CPSF1: variants seen among roughly 807,000 people sequenced by gnomAD.
CPSF1 encodes cleavage and polyadenylation specificity factor subunit 1.
Under a neutral mutation model 175.8 loss-of-function variants are expected in CPSF1, and 106 were observed. That is an observed-to-expected ratio of 0.60 (90% CI 0.52 to 0.71). The LOEUF is 0.71. CPSF1 is among the 30% of genes least tolerant of loss of function. CPSF1 has a pLI of 0.00. For synonymous variants in CPSF1, 1,024 were observed against 858.3 expected, an observed-to-expected ratio of 1.19 and a Z score of -3.37; for missense variants, 1,734 against 2,022.9, an observed-to-expected ratio of 0.86 and a Z score of 2.74.
chr8:144,394,038 G>GC lies in CPSF1; in HGVS notation c.3860-1dup (p.Ala1287GlyfsTer35). On this transcript the variant is annotated frameshift_variant and splice_region_variant. Transcript: ENST00000616140. LOFTEE classifies it high-confidence loss of function. ...GCGCATGCCCCCGAAACTCTCCTTG[G>GC]CTAGACCAGAAAGGCCTAGGGGTCA... 6.2e-7 allele frequency: 1 copy of GC among 1,611,248 alleles called. No individual in the cohort carries two copies. The highest frequency in any genetic ancestry group is 8.5e-7 in the Non-Finnish European group (1 of 1,178,370).
intron 24 of CPSF1, 26 bp downstream of exon 24, chr8:144,396,814 C>G (rs782774987): frequency 6.2e-7 from 1 of 1,613,248 alleles, no homozygotes; most frequent in East Asian, 2.2e-5. Flanking sequence ...ACCCACCCCA[C>G]GCCCCAGCAG....
intron 23 of CPSF1, 23 bp from the exon 24 acceptor site, chr8:144,396,952 G>A (rs200054420): frequency 2.6e-6 from 4 of 1,565,196 alleles, no homozygotes; most frequent in African/African-American, 2.7e-5. Context: ...GGGGAGCCAT[G>A]GGGGAACGGG....
In CPSF1 at chr8:144,398,006, G is replaced by A. The variant is rs781986724; in HGVS notation, c.2021C>T (p.Ser674Phe). The A allele has an allele frequency of 6.2e-7, 1 of 1,611,962 alleles. No homozygotes were observed. Among genetic ancestry groups the A allele is most frequent in the Non-Finnish European group, 8.5e-7 (1 of 1,179,700 alleles). Reference sequence around the variant, plus strand: ...CAGGCGGTGGTGGCGGCCACCGTAGGAGTCACTCTTCAGCAGGAACATGGT... The same window carrying A: ...CAGGCGGTGGTGGCGGCCACCGTAGAAGTCACTCTTCAGCAGGAACATGGT... ...HVTMFLLKSD[S>F]YGGRHHRLAL... The change falls in exon 20 of 38, where the codon TCC (serine) becomes TTC (phenylalanine). Residue 674 changes from serine (S) to phenylalanine (F), a missense_variant. By Grantham distance (155) the Ser-to-Phe change is radical (BLOSUM62 -2). Coordinates refer to ENST00000616140, the MANE Select transcript of CPSF1 (RefSeq NM_013291.3).
At chr8:144,395,803 G>A (rs1820686985) in intron 26 of CPSF1, 2 of 576,536 alleles carry the variant, frequency 3.5e-6, no homozygotes, top group Non-Finnish European at 3.1e-6. Context: ...TAGGCCAGGA[G>A]GGCACTGGAG....
In CPSF1 at chr8:144,400,138, C is replaced by CCCG. The variant is rs1554866053; in HGVS notation, c.937+27_937+28insCGG. 24 of 1,185,568 alleles carry CCCG rather than the reference C, an allele frequency of 2.0e-5. 3 individuals carry two copies. The highest frequency in any genetic ancestry group is 2.6e-5 in the Non-Finnish European group (22 of 846,190). The allele number at this position is 1,185,568 out of a possible 1,614,324, so 73.4% of individuals were successfully genotyped here. On this transcript the variant is annotated intron_variant, in intron 9 of 37. Transcript: ENST00000616140. ...GGCAGGCCCAAGCCGTCCCCGGGCC[C>CCCG]CCCCCGCCCCAGCCACCCCACACTC...
Position 144,394,122 on chromosome 8 carries a change from G to A in CPSF1, c.3850C>T (p.Leu1284=). The change falls in exon 34 of 38, where the codon CTG becomes TTG. Residue 1284 remains leucine, a synonymous_variant. Transcript: ENST00000616140. ...RDRNLMVYMY[L]PEAKESFGGM... The stretch of plus-strand genomic sequence containing the variant: ...TGGAGGAAGCACTCACCTTCGGGCA[G>A]GTACATGTACACCATGAGGTTGCGG... The A allele has an allele frequency of 1.9e-6, 3 of 1,612,926 alleles. No homozygotes were observed. Among genetic ancestry groups the A allele is most frequent in the Non-Finnish European group, 8.5e-7 (1 of 1,179,896 alleles).
chr8:144,406,862 C>T (rs1485206957), intron 2 of CPSF1, among the ~76,000 whole-genome samples: 1 of 152,220 alleles, frequency 6.6e-6, no homozygotes, highest in Non-Finnish European at 1.5e-5. Flanking sequence ...CTCCGCAACC[C>T]CCACCAGGGT....
chr8:144,394,380 C>A lies in CPSF1; in HGVS notation c.3743G>T (p.Arg1248Leu). Reference protein sequence around the residue: ...EESKTLSLVSRDAKPLEVYSV... With the variant: ...EESKTLSLVSLDAKPLEVYSV... ...CGAGCACCGCCGCCACAGGTGTACCCGCGACACCAGGCTCAGCGTCTTGCT... is the reference window on the plus strand; with the variant it reads ...CGAGCACCGCCGCCACAGGTGTACCAGCGACACCAGGCTCAGCGTCTTGCT... Residue 1248 changes from arginine to leucine, a missense_variant and splice_region_variant, in exon 32 of 38, where the codon CGG (arginine) becomes CTG (leucine). This residue lies in a region of CPSF1 where 323 missense variants were observed against 338.5 expected (regional missense o/e 0.95). Transcript: ENST00000616140. 1 of 1,603,028 alleles carries A rather than the reference C, an allele frequency of 6.2e-7. No individual in the cohort carries two copies. The highest frequency in any genetic ancestry group is 8.5e-7 in the Non-Finnish European group (1 of 1,173,958).
In CPSF1 at chr8:144,399,917, G is replaced by A. The variant is rs1184203620; in HGVS notation, c.1032-49C>T. The A allele has an allele frequency of 6.4e-7, 1 of 1,557,160 alleles. No individual in the cohort carries two copies. Among genetic ancestry groups the A allele is most frequent in the Admixed American group, 1.9e-5 (1 of 53,136 alleles). On this transcript the variant is annotated intron_variant, in intron 10 of 37. Transcript: ENST00000616140. The surrounding 1 kb of genome is among the most constrained non-coding windows in gnomAD (Gnocchi z 6.4). ...TCGGGGATGGGGACCCTGGGGGAGT[G>A]AAGGGGGCCAGGGGACCCTACAGGA...
intron 2 of CPSF1, among the ~76,000 whole-genome samples, chr8:144,403,914 T>A (rs909662109): frequency 1.3e-5 from 2 of 151,712 alleles, no homozygotes; most frequent in South Asian, 4.2e-4. Context: ...AGTGAAACAT[T>A]ACAAGTTTTC....
At chr8:144,409,228 C>T (rs2116913828) in intron 1 of CPSF1, 56 bp from the exon 2 acceptor site, 10 of 1,322,810 alleles carry the variant, frequency 7.6e-6, no homozygotes, top group Admixed American at 2.9e-5. Flanking sequence ...GGAGCCCGGC[C>T]CCGCACCGCG....
At chr8:144,397,029 GA>G (rs1586616077) in intron 23 of CPSF1, 100 bp from the exon 24 acceptor site, 1 of 943,528 alleles carries the variant, frequency 1.1e-6, no homozygotes, top group African/African-American at 1.6e-5. Flanking sequence ...GCGGGGCTGA[GA>G]TGGGGTGGAG....
intron 9 of CPSF1, 31 bp downstream of exon 9, chr8:144,400,135 G>GCCCCCCCCCCCCCCCCCCCCCCCCCCCAC: frequency 1.1e-6 from 1 of 896,008 alleles, no homozygotes; most frequent in Non-Finnish European, 1.6e-6. Flanking sequence ...CCGTCCCCGG[G>GCCCCCCCCCCCCCCCCCCCCCCCCCCCAC]CCCCCCCCGC....
rs782004985 is a variant in CPSF1, at chr8:144,396,625, G to A, written c.2799C>T (p.Tyr933=). 18 of 1,613,622 alleles carry A rather than the reference G, an allele frequency of 1.1e-5. No homozygotes were observed. The highest frequency in any genetic ancestry group is 2.2e-5 in the South Asian group (2 of 91,064). Residue 933 remains tyrosine (Y), a synonymous_variant, in exon 25 of 38, where the codon TAC becomes TAT. Transcript: ENST00000616140. ...CTGAGTAGCCATAAATATCCTCGAAGTAGCGGAAACGCGCCACGCGGCCCC... is the reference window on the plus strand; with the variant it reads ...CTGAGTAGCCATAAATATCCTCGAAATAGCGGAAACGCGCCACGCGGCCCC... ...GARGRVARFR[Y]FEDIYGYSGV...
chr8:144,400,135 G>GGGCCCCCCCCCCCCCCCCCCCCCCCC, intron 9 of CPSF1, 31 bp downstream of exon 9: 30 of 895,974 alleles, frequency 3.3e-5, no homozygotes, highest in Non-Finnish European at 4.7e-5. Context: ...CCGTCCCCGG[G>GGGCCCCCCCCCCCCCCCCCCCCCCCC]CCCCCCCCGC....
intron 5 of CPSF1, 38 bp from the exon 6 acceptor site, chr8:144,401,113 G>A (rs1554866831): frequency 6.3e-7 from 1 of 1,596,874 alleles, no homozygotes. Context: ...CCCAGCATAG[G>A]AGACCCCGAG....
At chr8:144,404,767 C>T (rs2116899668) in intron 2 of CPSF1, among the ~76,000 whole-genome samples, 5 of 151,908 alleles carry the variant, frequency 3.3e-5, no homozygotes, top group South Asian at 2.1e-4. Context: ...AAAGAAATAG[C>T]GACCAAAGGC....
chr8:144,396,598 C>T lies in CPSF1; in HGVS notation c.2826G>A (p.Gly942=). 1 of 1,612,610 alleles carries T rather than the reference C, an allele frequency of 6.2e-7. No individual in the cohort carries two copies. The highest frequency in any genetic ancestry group is 8.5e-7 in the Non-Finnish European group (1 of 1,179,386). ...RYFEDIYGYS[G]VFICGPSPHW... is the part of the protein sequence containing the mutation. ...GACCCCTGCAAAGGCGCTGGCCTAC[C>T]CCTGAGTAGCCATAAATATCCTCGA... Residue 942 remains glycine (G), a splice_region_variant and synonymous_variant, in exon 25 of 38, where the codon GGG becomes GGA. Coordinates refer to ENST00000616140, the MANE Select transcript of CPSF1 (RefSeq NM_013291.3).
chr8:144,399,255 G>T lies in CPSF1; in HGVS notation c.1392+21C>A, dbSNP rs2116860897. 9 of 1,612,194 alleles carry T rather than the reference G, an allele frequency of 5.6e-6. No individual in the cohort carries two copies. In the South Asian group the frequency reaches 9.9e-5, roughly 18 times the overall value. On this transcript the variant is annotated intron_variant, in intron 14 of 37. Coordinates refer to ENST00000616140, the MANE Select transcript of CPSF1 (RefSeq NM_013291.3). The surrounding 1 kb of genome is among the most constrained non-coding windows in gnomAD (Gnocchi z 6.4). ...GCTGGGGGCGCTGGCTGGGACGGGG[G>T]CCCTGCTGCCTCAATCTCACCTCAA... is the stretch of plus-strand genomic sequence containing the variant.
Sources: gnomAD v4.1 joint callset for allele counts (sites outside exome capture counted in the v4.1 genomes callset) on GRCh38, gnomAD v4.1.1 for gene constraint, gnomAD v4.1.1 regional missense constraint, Gnocchi (gnomAD v3.1) non-coding constraint, MANE v1.5 for transcripts, NCBI Gene and HGNC (gene_info 2026-07-23, HGNC 2026-07-21) for gene names.